The following LPP variants were observed in gnomAD, a reference collection of about 807,000 sequenced individuals.
LPP encodes lipoma-preferred partner.
In LPP, 38 loss-of-function variants were observed where a neutral mutation model predicts 60.4. The ratio of observed to expected loss-of-function variants is 0.63; its 90% CI spans 0.49 to 0.83. LPP has a LOEUF of 0.83. Among genes scored for constraint, LPP ranks in the 40% least tolerant of loss-of-function variants. The pLI is 0.00. For synonymous variants in LPP, 328 were observed against 290.8 expected (o/e 1.13, Z -1.30); for missense variants, 902 against 783.6 (o/e 1.15, Z -1.80).
chr3:188,765,567 G>A (rs1220029677), intron 9 of LPP, among the ~76,000 whole-genome samples: 1 of 152,048 alleles, frequency 6.6e-6, no homozygotes, highest in East Asian at 1.9e-4. Flanking sequence ...ATAGATCATG[G>A]GGAGATTATT....
chr3:188,204,514 T>G (rs977373704), intron 1 of LPP, among the ~76,000 whole-genome samples: 6 of 152,214 alleles, frequency 3.9e-5, no homozygotes, highest in Non-Finnish European at 8.8e-5. Flanking sequence ...CTTCAACTTT[T>G]TACTTGAGTT....
chr3:188,309,078 G>C (rs1393012532), intron 2 of LPP, among the ~76,000 whole-genome samples: 2 of 119,486 alleles, frequency 1.7e-5, no homozygotes, highest in African/African-American at 6.5e-5. Flanking sequence ...CTGGAGTGTA[G>C]TGGTGCAATC....
chr3:188,600,943 TATAG>T (rs1334071857), intron 6 of LPP, among the ~76,000 whole-genome samples: 1 of 152,118 alleles, frequency 6.6e-6, no homozygotes, highest in Admixed American at 6.6e-5. Context: ...TGTATAGATA[TATAG>T]ATAGATATAG....
chr3:188,198,941 A>G (rs890813561), intron 1 of LPP, among the ~76,000 whole-genome samples: 3 of 152,178 alleles, frequency 2.0e-5, no homozygotes, highest in African/African-American at 4.8e-5. Flanking sequence ...GTATACAACA[A>G]TCGTTTAGTA....
chr3:188,176,608 A>T (rs889021131), intron 1 of LPP, among the ~76,000 whole-genome samples: 1 of 152,172 alleles, frequency 6.6e-6, no homozygotes, highest in Admixed American at 6.5e-5. Context: ...AAAAAAAAAA[A>T]ATCAGTTAAC....
At chr3:188,206,454 A>G (rs1204039336) in intron 1 of LPP, among the ~76,000 whole-genome samples, 1 of 152,186 alleles carries the variant, frequency 6.6e-6, no homozygotes, top group Non-Finnish European at 1.5e-5. Context: ...TCCAACCTTC[A>G]CAGACATTGT....
chr3:188,527,995 C>A (rs1821121915), intron 6 of LPP, among the ~76,000 whole-genome samples: 1 of 152,082 alleles, frequency 6.6e-6, no homozygotes, highest in Non-Finnish European at 1.5e-5. Flanking sequence ...AATTGAACTA[C>A]CTTAATATTT....
chr3:188,850,062 G>A (rs76573861), intron 9 of LPP, among the ~76,000 whole-genome samples: 3,246 of 152,318 alleles, frequency 0.021, 118 homozygotes, highest in African/African-American at 0.072. Context: ...CAGAGATAAT[G>A]ATTAAACAGG....
At chr3:188,821,820 A>G (rs1754049815) in intron 9 of LPP, among the ~76,000 whole-genome samples, 1 of 152,036 alleles carries the variant, frequency 6.6e-6, no homozygotes, top group Non-Finnish European at 1.5e-5. Context: ...TTGTAGTTAG[A>G]CCATTTTTTT....
intron 2 of LPP, among the ~76,000 whole-genome samples, chr3:188,309,468 T>C (rs574062427): frequency 2.0e-5 from 3 of 152,248 alleles, no homozygotes; most frequent in Non-Finnish European, 2.9e-5. Flanking sequence ...TCTTCTCTGG[T>C]TGGGGACTGA....
chr3:188,660,211 A>C (rs917537093), intron 7 of LPP, among the ~76,000 whole-genome samples: 4 of 152,176 alleles, frequency 2.6e-5, no homozygotes, highest in Non-Finnish European at 5.9e-5. Context: ...TAAGGCCACC[A>C]ATCACAGGAT....
chr3:188,830,376 G>A (rs1034735053), intron 9 of LPP, among the ~76,000 whole-genome samples: 5 of 151,164 alleles, frequency 3.3e-5, no homozygotes, highest in Non-Finnish European at 5.9e-5. Flanking sequence ...AGGCTGAGGC[G>A]GGCAGATCAC....
chr3:188,490,437 A>T (rs1293215819), intron 5 of LPP, among the ~76,000 whole-genome samples: 1 of 150,862 alleles, frequency 6.6e-6, no homozygotes, highest in East Asian at 1.9e-4. Flanking sequence ...TGCTCTGTTG[A>T]CCAGCCTCTG....
intron 9 of LPP, among the ~76,000 whole-genome samples, chr3:188,801,777 A>G (rs564841251): frequency 3.3e-5 from 5 of 152,322 alleles, no homozygotes; most frequent in South Asian, 4.1e-4. Flanking sequence ...AATGAGAGTA[A>G]TAATGCATGC....
chr3:188,855,085 G>GTT (rs1302209572), intron 9 of LPP, among the ~76,000 whole-genome samples: 1 of 152,176 alleles, frequency 6.6e-6, no homozygotes, highest in Non-Finnish European at 1.5e-5. Context: ...ACCCATGGTA[G>GTT]ACAAATACTG....
chr3:188,381,742 C>T (rs1197836869), intron 3 of LPP, among the ~76,000 whole-genome samples: 1 of 152,126 alleles, frequency 6.6e-6, no homozygotes, highest in African/African-American at 2.4e-5. Context: ...ATAGTTAAAG[C>T]TGGAGATTAG....
chr3:188,613,864 A>C (rs1844337835), intron 7 of LPP, among the ~76,000 whole-genome samples: 1 of 151,862 alleles, frequency 6.6e-6, no homozygotes, highest in South Asian at 2.1e-4. Context: ...ATACACTACC[A>C]CTTTGAACAT....
At chr3:188,453,304 G>C (rs1797007121) in intron 4 of LPP, among the ~76,000 whole-genome samples, 1 of 152,008 alleles carries the variant, frequency 6.6e-6, no homozygotes, top group Non-Finnish European at 1.5e-5. Flanking sequence ...TGTAGGACTG[G>C]GCTTTTTTGT....
At chr3:188,651,073 C>T (rs1851981442) in intron 7 of LPP, among the ~76,000 whole-genome samples, 1 of 152,186 alleles carries the variant, frequency 6.6e-6, no homozygotes, top group African/African-American at 2.4e-5. Flanking sequence ...TTGAAACACT[C>T]AGTCAATGAT....
Sources: gnomAD v4.1 joint callset for allele counts (sites outside exome capture counted in the v4.1 genomes callset) on GRCh38, gnomAD v4.1.1 for gene constraint, MANE v1.5 for transcripts, NCBI Gene and HGNC (gene_info 2026-07-23, HGNC 2026-07-21) for gene names.